PRKX: variants seen among roughly 807,000 people sequenced by gnomAD.
PRKX encodes cAMP-dependent protein kinase catalytic subunit PRKX.
PRKX carries 12 observed loss-of-function variants against 22.0 expected under a neutral mutation model. That is an observed-to-expected ratio of 0.54 (90% confidence interval 0.35 to 0.88). PRKX has a LOEUF of 0.88. Ranked by LOEUF, PRKX falls within the 40% of genes least tolerant of loss-of-function variation. The probability of loss-of-function intolerance (pLI) is 0.01; values close to 1 mark genes in which losing one functional copy is unlikely to be tolerated. For synonymous variants in PRKX, 134 were observed against 137.7 expected, an observed-to-expected ratio of 0.97 and a Z score of 0.19; for missense variants, 217 against 308.0, an observed-to-expected ratio of 0.70 and a Z score of 2.21.
At chrX:3,622,314 A>C (rs1926574039) in intron 5 of PRKX, among the ~76,000 whole-genome samples, 1 of 111,465 alleles carries the variant, frequency 9.0e-6, no homozygotes, top group Non-Finnish European at 1.9e-5. Flanking sequence ...GTACACATAA[A>C]ATACACAGAG....
rs1287777608 is a variant in PRKX at position 3,674,749 on chromosome X, G to A, written c.184C>T (p.Arg62Trp). 2.5e-6 allele frequency: 3 copies of A among 1,209,015 alleles called. No homozygotes were observed. Among genetic ancestry groups the A allele is most frequent in the Admixed American group, 2.2e-5 (1 of 45,720 alleles). Residue 62 changes from arginine (R) to tryptophan (W), a missense_variant, in exon 2 of 9, where the codon CGG (arginine) becomes TGG (tryptophan). By Grantham distance (101) the Arg-to-Trp change is moderately radical. Transcript: ENST00000262848. ...LATVGTGTFGRVHLVKEKTAK... is the reference protein window; with the variant it reads ...LATVGTGTFGWVHLVKEKTAK... ...GTCTTCTCCTTCACCAGGTGCACCC[G>A]CCCGAACGTCCCAGTGCCTGGAGAG...
chrX:3,701,497 T>C (rs1400993741), intron 1 of PRKX, among the ~76,000 whole-genome samples: 11 of 112,449 alleles, frequency 9.8e-5, no homozygotes, highest in Non-Finnish European at 9.4e-5. Flanking sequence ...CTTTTGATTT[T>C]TGGAATCTCA....
intron 4 of PRKX, among the ~76,000 whole-genome samples, chrX:3,627,032 C>T (rs921589426): frequency 9.0e-5 from 10 of 111,565 alleles, no homozygotes; most frequent in East Asian, 2.8e-4. Flanking sequence ...AAATGCTCAA[C>T]GTCACTAATC....
intron 2 of PRKX, among the ~76,000 whole-genome samples, chrX:3,666,152 A>ATTTTTT: frequency 1.5e-5 from 1 of 68,117 alleles, no homozygotes; most frequent in Admixed American, 1.9e-4. Context: ...TGAACTGTAC[A>ATTTTTT]TTTTTTTTTT....
At chrX:3,639,800 G>T (rs570897385) in intron 4 of PRKX, among the ~76,000 whole-genome samples, 1 of 110,883 alleles carries the variant, frequency 9.0e-6, no homozygotes, top group South Asian at 3.9e-4. Flanking sequence ...GGGAATTAAC[G>T]GATTCACTTT....
chrX:3,656,544 G>C (rs1184436465), intron 2 of PRKX, among the ~76,000 whole-genome samples: 2 of 111,212 alleles, frequency 1.8e-5, no homozygotes, highest in African/African-American at 6.6e-5. Flanking sequence ...ATATGTGATA[G>C]ACAGATGCTA....
chrX:3,713,570 G>A lies in PRKX; in HGVS notation c.-317C>T. 5.8e-6 allele frequency: 1 copy of A among 172,878 alleles called. No individual in the cohort carries two copies. Among genetic ancestry groups the A allele is most frequent in the Non-Finnish European group, 1.1e-5 (1 of 91,426 alleles). 14.2% of individuals were successfully genotyped at this position (172,878 alleles called of 1,213,427 possible). On this transcript the variant is annotated 5_prime_UTR_variant, in exon 1 of 9. Coordinates refer to ENST00000262848, the MANE Select transcript of PRKX (RefSeq NM_005044.5). ...CTGGGGGGGGCGAGGCGGGGGCCCT[G>A]CGCATTCCGGGTCTCGCGCCCGCCG...
intron 1 of PRKX, among the ~76,000 whole-genome samples, chrX:3,703,662 TTTGG>T (rs1928623858): frequency 2.1e-5 from 2 of 96,892 alleles, no homozygotes; most frequent in Admixed American, 2.5e-4. Flanking sequence ...TTTGGGTTTT[TTTGG>T]TTGTTTTTTT....
At chrX:3,612,894 T>G (rs1352354184) in intron 7 of PRKX, among the ~76,000 whole-genome samples, 1 of 110,176 alleles carries the variant, frequency 9.1e-6, no homozygotes, top group Non-Finnish European at 1.9e-5. Context: ...GGCTCATGCC[T>G]GTAATCCCAG....
intron 2 of PRKX, among the ~76,000 whole-genome samples, chrX:3,669,305 T>C (rs1927799381): frequency 1.1e-5 from 1 of 92,645 alleles, no homozygotes; most frequent in South Asian, 5.9e-4. Flanking sequence ...AATATCTGTC[T>C]CAATGTTGAT....
At chrX:3,647,080 A>C (rs1048380278) in intron 3 of PRKX, among the ~76,000 whole-genome samples, 1 of 110,836 alleles carries the variant, frequency 9.0e-6, no homozygotes, top group Non-Finnish European at 1.9e-5. Context: ...AACTAGAAAG[A>C]CTTTTCTGGT....
chrX:3,631,965 C>T (rs1346543547), intron 4 of PRKX, among the ~76,000 whole-genome samples: 1 of 112,025 alleles, frequency 8.9e-6, no homozygotes, highest in Non-Finnish European at 1.9e-5. Flanking sequence ...CGTAGAACTA[C>T]ACACATGAAC....
intron 8 of PRKX, among the ~76,000 whole-genome samples, chrX:3,610,095 TA>T (rs1448330657): frequency 8.9e-6 from 1 of 112,157 alleles, no homozygotes; most frequent in East Asian, 2.8e-4. Context: ...TCTTCCTGCA[TA>T]AAATTCCTGC....
intron 6 of PRKX, among the ~76,000 whole-genome samples, chrX:3,616,931 G>A (rs1243058883): frequency 4.5e-5 from 5 of 110,800 alleles, no homozygotes; most frequent in Admixed American, 9.7e-5. Context: ...TTCTAATTTG[G>A]ATACTAAAGG....
At chrX:3,657,154 G>T (rs1369616840) in intron 2 of PRKX, among the ~76,000 whole-genome samples, 1 of 112,151 alleles carries the variant, frequency 8.9e-6, no homozygotes, top group Non-Finnish European at 1.9e-5. Context: ...CTGGGACATG[G>T]GTAAAAGGTC....
At chrX:3,660,616 C>T (rs1483265645) in intron 2 of PRKX, among the ~76,000 whole-genome samples, 1 of 111,856 alleles carries the variant, frequency 8.9e-6, no homozygotes, top group Non-Finnish European at 1.9e-5. Flanking sequence ...TAATGCATCA[C>T]CTTGTCACAA....
At chrX:3,624,191 C>G (rs1926615165) in intron 5 of PRKX, among the ~76,000 whole-genome samples, 1 of 111,582 alleles carries the variant, frequency 9.0e-6, no homozygotes, top group African/African-American at 3.3e-5. Context: ...GCAAGATCCC[C>G]ATACCCATCT....
chrX:3,655,815 C>T (rs67222009), intron 2 of PRKX, among the ~76,000 whole-genome samples: 18,145 of 111,278 alleles, frequency 0.16, 1,227 homozygotes, highest in Admixed American at 0.36. Flanking sequence ...GATATGGTTG[C>T]AGACAGATAT....
At chrX:3,696,825 G>A (rs1928451802) in intron 1 of PRKX, among the ~76,000 whole-genome samples, 1 of 111,527 alleles carries the variant, frequency 9.0e-6, no homozygotes, top group African/African-American at 3.3e-5. Flanking sequence ...TTTGAGACCA[G>A]CCTGGCCAAC....
Sources: gnomAD v4.1 joint callset for allele counts (sites outside exome capture counted in the v4.1 genomes callset) on GRCh38, gnomAD v4.1.1 for gene constraint, MANE v1.5 for transcripts, NCBI Gene and HGNC (gene_info 2026-07-23, HGNC 2026-07-21) for gene names.